Variants in IRF2 observed in about 807,000 individuals in gnomAD.
IRF2 encodes the protein interferon regulatory factor 2.
IRF2 carries 15 observed loss-of-function variants against 40.6 expected under a neutral mutation model. That is an observed-to-expected ratio of 0.37 (90% confidence interval 0.25 to 0.57). The LOEUF is 0.57. IRF2 is among the 20% of genes least tolerant of loss of function. The pLI is 0.77. For missense variants in IRF2, 317 were observed against 455.7 expected (o/e 0.70, Z 2.77); for synonymous variants, 151 against 165.5 (o/e 0.91, Z 0.67).
chr4:184,451,086 C>A (rs1271692674), intron 1 of IRF2, among the ~76,000 whole-genome samples: 11 of 152,148 alleles, frequency 7.2e-5, no homozygotes, highest in African/African-American at 2.7e-4. Context: ...TATTATGCAA[C>A]GTGAGAAGTT....
chr4:184,462,466 G>A (rs1301544902), intron 1 of IRF2, among the ~76,000 whole-genome samples: 6 of 152,206 alleles, frequency 3.9e-5, no homozygotes, highest in Non-Finnish European at 1.5e-5. Flanking sequence ...GAAGGCAACT[G>A]TAAAATACTA....
chr4:184,456,920 T>C (rs1171683402), intron 1 of IRF2, among the ~76,000 whole-genome samples: 1 of 152,204 alleles, frequency 6.6e-6, no homozygotes, highest in Non-Finnish European at 1.5e-5. Context: ...TCTTCCAATT[T>C]ATCGCCCCAG....
intron 6 of IRF2, among the ~76,000 whole-genome samples, chr4:184,404,598 A>G (rs2149895094): frequency 6.6e-6 from 1 of 152,284 alleles, no homozygotes; most frequent in African/African-American, 2.4e-5. Context: ...AAGATTAAGG[A>G]GTTTGCCCAA....
rs12640837 is a variant in IRF2 at position 184,426,752 on chromosome 4, C to G, written c.87+2226G>C. 1.7e-4 allele frequency among the ~76,000 whole-genome samples: 26 copies of G among 152,266 alleles called. No homozygotes were observed. The East Asian group carries it at 4.4e-3, about 26-fold the overall frequency. ...CTCTTCTCCACTGCATCCTGCCAAC[C>G]AAAACTAGTGGAGGTATTTTTGAAA... is the stretch of plus-strand genomic sequence containing the variant. On this transcript the variant is annotated intron_variant, in intron 2 of 8. Coordinates refer to ENST00000393593, the MANE Select transcript of IRF2 (RefSeq NM_002199.4).
At chr4:184,461,648 T>C (rs1448716797) in intron 1 of IRF2, among the ~76,000 whole-genome samples, 8 of 152,136 alleles carry the variant, frequency 5.3e-5, no homozygotes, top group African/African-American at 1.9e-4. Flanking sequence ...ATGATCAAAA[T>C]AGTCAACGGT....
intron 1 of IRF2, among the ~76,000 whole-genome samples, chr4:184,453,653 G>T (rs980320943): frequency 6.6e-6 from 1 of 152,222 alleles, no homozygotes; most frequent in African/African-American, 2.4e-5. Flanking sequence ...CACTGGAGAC[G>T]TAACAGTATA....
intron 1 of IRF2, among the ~76,000 whole-genome samples, chr4:184,469,214 A>G (rs1719779830): frequency 6.6e-6 from 1 of 152,176 alleles, no homozygotes. Context: ...GTGCCTCAGA[A>G]AGCCTAACGG....
chr4:184,393,673 G>A (rs1261840375), intron 7 of IRF2, among the ~76,000 whole-genome samples: 1 of 152,230 alleles, frequency 6.6e-6, no homozygotes, highest in Non-Finnish European at 1.5e-5. Flanking sequence ...ACACAAATGC[G>A]AGTTAAAGAG....
intron 6 of IRF2, chr4:184,407,209 G>A: frequency 7.8e-7 from 1 of 1,289,442 alleles, no homozygotes; most frequent in South Asian, 1.2e-5. Context: ...GGCCTGTCAG[G>A]ACAATTCAGC....
chr4:184,406,825 C>T (rs901896421), intron 6 of IRF2, among the ~76,000 whole-genome samples: 1 of 152,116 alleles, frequency 6.6e-6, no homozygotes, highest in Admixed American at 6.5e-5. Context: ...CCTTAAAAAG[C>T]GGCTTGAGTT....
intron 4 of IRF2, 115 bp downstream of exon 4, chr4:184,418,417 C>A: frequency 9.5e-7 from 1 of 1,053,990 alleles, no homozygotes; most frequent in South Asian, 1.4e-5. Context: ...TGATCCCCTA[C>A]AGCATGAACA....
Position 184,418,203 on chromosome 4 carries a change from T to C in IRF2, c.375A>G (p.Pro125=). The change falls in exon 5 of 9, where the codon CCA becomes CCG. Residue 125 remains proline, a synonymous_variant. Coordinates refer to ENST00000393593, the MANE Select transcript of IRF2 (RefSeq NM_002199.4). ...SERPSKKGKK[P]KTEKEDKVKH... ...TAACTTTGTCTTCTTTTTCTGTCTT[T>C]GGTTTCTTTCCTGTGGCAACAAAAA... The C allele has an allele frequency of 1.2e-6, 2 of 1,613,862 alleles. No homozygotes were observed. Among genetic ancestry groups the C allele is most frequent in the Non-Finnish European group, 1.7e-6 (2 of 1,179,696 alleles).
intron 5 of IRF2, among the ~76,000 whole-genome samples, chr4:184,417,283 C>A (rs982349409): frequency 6.6e-6 from 1 of 152,010 alleles, no homozygotes; most frequent in Non-Finnish European, 1.5e-5. Flanking sequence ...CAAAATTAGG[C>A]CTTTAATACA....
intron 1 of IRF2, among the ~76,000 whole-genome samples, chr4:184,451,705 C>T (rs1328088381): frequency 1.3e-5 from 2 of 152,198 alleles, no homozygotes; most frequent in African/African-American, 2.4e-5. Flanking sequence ...CCCCAGCTGG[C>T]ACTGGACACC....
At chr4:184,415,866 G>A (rs1394958066) in intron 5 of IRF2, among the ~76,000 whole-genome samples, 3 of 152,124 alleles carry the variant, frequency 2.0e-5, no homozygotes, top group South Asian at 2.1e-4. Flanking sequence ...TATCAAATAC[G>A]TATTAGTGAT....
intron 1 of IRF2, among the ~76,000 whole-genome samples, chr4:184,457,015 C>T (rs922650002): frequency 6.6e-6 from 1 of 152,236 alleles, no homozygotes; most frequent in African/African-American, 2.4e-5. Flanking sequence ...CACCTGATGG[C>T]CACATCTCCC....
At chr4:184,415,647 T>C (rs1045030174) in intron 5 of IRF2, among the ~76,000 whole-genome samples, 4 of 152,356 alleles carry the variant, frequency 2.6e-5, no homozygotes, top group Admixed American at 2.0e-4. Context: ...CTTAGCATCA[T>C]TGGCATCTGG....
chr4:184,389,637 C>T (rs1011521843), intron 8 of IRF2, among the ~76,000 whole-genome samples: 12 of 152,150 alleles, frequency 7.9e-5, no homozygotes, highest in African/African-American at 2.7e-4. Context: ...TGCTACCTCC[C>T]AGAAATACTT....
chr4:184,414,769 T>G (rs1737204127), intron 5 of IRF2, among the ~76,000 whole-genome samples: 1 of 152,232 alleles, frequency 6.6e-6, no homozygotes, highest in Non-Finnish European at 1.5e-5. Context: ...GCCTACATGT[T>G]GTAAACATTG....
Sources: allele counts gnomAD v4.1 joint callset (sites outside exome capture counted in the v4.1 genomes callset), GRCh38; gene constraint gnomAD v4.1.1; transcripts MANE v1.5; gene names NCBI Gene and HGNC (gene_info 2026-07-23, HGNC 2026-07-21).